The following SPPL3 variants were observed in gnomAD, a reference collection of about 807,000 sequenced individuals.
SPPL3 encodes the protein signal peptide peptidase like 3.
Under a neutral mutation model 42.4 loss-of-function variants are expected in SPPL3, and 5 were observed. That is an observed-to-expected ratio of 0.12 (90% CI 0.06 to 0.25). SPPL3 has a LOEUF of 0.25. SPPL3 is among the 10% of genes least tolerant of loss of function. The pLI is 1.00. For synonymous variants in SPPL3, 195 were observed against 181.8 expected (o/e 1.07, Z -0.58); for missense variants, 235 against 489.0 (o/e 0.48, Z 4.90).
chr12:120,876,060 T>C (rs941643480), intron 1 of SPPL3, among the ~76,000 whole-genome samples: 2 of 145,318 alleles, frequency 1.4e-5, no homozygotes, highest in African/African-American at 4.9e-5. Context: ...CAACTTGACT[T>C]CACAGATACT....
At chr12:120,897,766 T>C (rs1417218370) in intron 1 of SPPL3, among the ~76,000 whole-genome samples, 1 of 152,162 alleles carries the variant, frequency 6.6e-6, no homozygotes, top group Non-Finnish European at 1.5e-5. Context: ...AAGTCTATAA[T>C]GCTAGACACA....
chr12:120,796,313 T>C (rs943784935), intron 2 of SPPL3, among the ~76,000 whole-genome samples: 1 of 152,082 alleles, frequency 6.6e-6, no homozygotes, highest in African/African-American at 2.4e-5. Flanking sequence ...AAGGCAGAGG[T>C]TGCAGTGAGC....
chr12:120,881,671 C>T (rs665585), intron 1 of SPPL3, among the ~76,000 whole-genome samples: 73,493 of 150,624 alleles, frequency 0.49, 18,213 homozygotes, highest in East Asian at 0.56. Flanking sequence ...AACAAATGAA[C>T]AGATACACAA....
At chr12:120,856,319 C>CT (rs59012809) in intron 1 of SPPL3, among the ~76,000 whole-genome samples, 3,824 of 151,134 alleles carry the variant, frequency 0.025, 77 homozygotes, top group Middle Eastern at 0.051. Context: ...AGAGAAGGTT[C>CT]TTTTTTTGTG....
At chr12:120,792,528 C>T (rs1405594462) in intron 2 of SPPL3, among the ~76,000 whole-genome samples, 2 of 151,680 alleles carry the variant, frequency 1.3e-5, no homozygotes, top group African/African-American at 2.4e-5. Flanking sequence ...GGTGAAACCC[C>T]GTTTCTACTA....
chr12:120,781,296 A>AT (rs539726901), intron 6 of SPPL3, among the ~76,000 whole-genome samples: 60 of 152,188 alleles, frequency 3.9e-4, no homozygotes, highest in Middle Eastern at 6.8e-3. Flanking sequence ...ATAGGTATAG[A>AT]TTTTTTTAAT....
At chr12:120,806,844 TAA>T (rs766743406) in intron 2 of SPPL3, among the ~76,000 whole-genome samples, 1 of 71,876 alleles carries the variant, frequency 1.4e-5, no homozygotes. Flanking sequence ...GAGACTCCAT[TAA>T]AAAAAAAAAA....
chr12:120,765,329 G>A (rs1372213968), intron 10 of SPPL3, among the ~76,000 whole-genome samples: 1 of 151,540 alleles, frequency 6.6e-6, no homozygotes, highest in East Asian at 1.9e-4. Flanking sequence ...TGTCACCTAG[G>A]CTGGAGTGAG....
chr12:120,886,029 T>C lies in SPPL3; in HGVS notation c.23+17816A>G, dbSNP rs548290548. Among the ~76,000 whole-genome samples, 5 of 151,960 alleles carry C rather than the reference T, an allele frequency of 3.3e-5. No individual in the cohort carries two copies. In the East Asian group the frequency reaches 9.7e-4, roughly 29 times the overall value. On this transcript the variant is annotated intron_variant, in intron 1 of 10. Transcript: ENST00000353487. Reference sequence around the variant, plus strand: ...GCCACCATGCCCAGCTAATTTTGTATTTTTAACCTGTCCATGTTGGTCAGG... The same window carrying C: ...GCCACCATGCCCAGCTAATTTTGTACTTTTAACCTGTCCATGTTGGTCAGG...
At chr12:120,803,357 A>C (rs576855006) in intron 2 of SPPL3, among the ~76,000 whole-genome samples, 6 of 152,316 alleles carry the variant, frequency 3.9e-5, no homozygotes, top group African/African-American at 1.4e-4. Flanking sequence ...TGAAGAGCAC[A>C]AATAAACAAT....
intron 4 of SPPL3, 77 bp from the exon 5 acceptor site, chr12:120,783,829 A>G: frequency 5.7e-6 from 7 of 1,232,488 alleles, no homozygotes; most frequent in South Asian, 1.3e-5. Flanking sequence ...TCATTCCGCC[A>G]AACACTAGAC....
chr12:120,819,708 T>C (rs1213227167), intron 1 of SPPL3, among the ~76,000 whole-genome samples: 1 of 152,170 alleles, frequency 6.6e-6, no homozygotes, highest in Admixed American at 6.6e-5. Flanking sequence ...TTGTGGAAAT[T>C]TTCCATTTTA....
rs1326552602 is a variant in SPPL3 at position 120,903,930 on chromosome 12, C to A, written c.-63G>T. On this transcript the variant is annotated 5_prime_UTR_variant, in exon 1 of 11. Coordinates refer to ENST00000353487, the MANE Select transcript of SPPL3 (RefSeq NM_139015.5). ...CGGGCCCGGCGGCGGCGGGCTCGCT[C>A]GGGCCGTAGCTGAAGGCGCGGCCGG... 2 of 1,281,692 alleles carry A rather than the reference C, an allele frequency of 1.6e-6. No individual in the cohort carries two copies. The highest frequency in any genetic ancestry group is 2.0e-6 in the Non-Finnish European group (2 of 1,012,676). The allele number at this position is 1,281,692 out of a possible 1,614,324, so 79.4% of individuals were successfully genotyped here. A position where few individuals can be genotyped will look rare whatever the true frequency, so the allele number is the denominator to read the frequency against.
chr12:120,852,352 TAC>T (rs1434921407), intron 1 of SPPL3, among the ~76,000 whole-genome samples: 1 of 71,426 alleles, frequency 1.4e-5, no homozygotes, highest in Non-Finnish European at 3.3e-5. Context: ...ATACATATTT[TAC>T]ATATATGAAA....
At position 120,890,006 on chromosome 12, in the gene SPPL3, G is replaced by A. The variant is rs187150787; in HGVS notation, c.23+13839C>T. Reference sequence around the variant, plus strand: ...CACGCCTGTAATCCCAGCACTTTGGGAGGCCAACGTGGGTGGATCACCTGA... The same window carrying A: ...CACGCCTGTAATCCCAGCACTTTGGAAGGCCAACGTGGGTGGATCACCTGA... On this transcript the variant is annotated intron_variant, in intron 1 of 10. Coordinates refer to ENST00000353487, the MANE Select transcript of SPPL3 (RefSeq NM_139015.5). Among the ~76,000 whole-genome samples the A allele has an allele frequency of 1.1e-3, 166 of 152,234 alleles. 4 individuals carry two copies. The East Asian group carries it at 0.03, about 27-fold the overall frequency.
intron 8 of SPPL3, 53 bp from the exon 9 acceptor site, chr12:120,767,646 A>G (rs1454416436): frequency 6.3e-7 from 1 of 1,584,124 alleles, no homozygotes; most frequent in Non-Finnish European, 8.6e-7. Flanking sequence ...TCCAGTTTCT[A>G]TTCCTTTTGT....
chr12:120,829,331 C>G (rs1871324317), intron 1 of SPPL3, among the ~76,000 whole-genome samples: 1 of 152,172 alleles, frequency 6.6e-6, no homozygotes, highest in Non-Finnish European at 1.5e-5. Flanking sequence ...TACGGTAGCT[C>G]ACGCCTGTAA....
At chr12:120,854,067 ACAGT>A (rs1211290012) in intron 1 of SPPL3, among the ~76,000 whole-genome samples, 1 of 151,862 alleles carries the variant, frequency 6.6e-6, no homozygotes, top group East Asian at 1.9e-4. Context: ...CCCCACAGTG[ACAGT>A]CAGTTCCCCA....
chr12:120,773,649 G>A (rs1440582507), intron 6 of SPPL3, among the ~76,000 whole-genome samples: 2 of 152,176 alleles, frequency 1.3e-5, no homozygotes, highest in African/African-American at 2.4e-5. Context: ...TTTTGGAGAT[G>A]GAGTCTTGCT....
Sources: gnomAD v4.1 joint callset for allele counts (sites outside exome capture counted in the v4.1 genomes callset) on GRCh38, gnomAD v4.1.1 for gene constraint, MANE v1.5 for transcripts, NCBI Gene and HGNC (gene_info 2026-07-23, HGNC 2026-07-21) for gene names.